PES1: variants seen among roughly 807,000 people sequenced by gnomAD.
PES1 encodes the protein pescadillo ribosomal biogenesis factor 1.
PES1 carries 31 observed loss-of-function variants against 77.1 expected under a neutral mutation model. The ratio of observed to expected loss-of-function variants is 0.40; its 90% CI spans 0.30 to 0.54. PES1 has a LOEUF of 0.54. Ranked by LOEUF, PES1 falls within the 20% of genes least tolerant of loss-of-function variation. PES1 has a pLI of 0.45. For missense variants in PES1, 658 were observed against 771.7 expected (o/e 0.85, Z 1.75); for synonymous variants, 282 against 303.0 (o/e 0.93, Z 0.72).
Position 30,605,028 on chromosome 22 carries a change from C to T in PES1, c.-661+433G>A, listed in dbSNP as rs117343900. On this transcript the variant is annotated intron_variant, in intron 2 of 16. Coordinates refer to the PES1 transcript ENST00000402281. ...TTTATTTTTAGGACAGGGTCTCCTT[C>T]TGTCGCCCAGACTGGAGTGCAGTGG... is the stretch of plus-strand genomic sequence containing the variant. Among the ~76,000 whole-genome samples the T allele has an allele frequency of 1.2e-3, 182 of 152,268 alleles. 2 individuals carry two copies. The East Asian group carries it at 0.032, about 27-fold the overall frequency.
chr22:30,606,651 G>A (rs13058138), intron 1 of PES1: 18,557 of 151,312 alleles, frequency 0.12, 1,559 homozygotes, highest in Non-Finnish European at 0.17. Flanking sequence ...TGGGGCCAGC[G>A]GCACCCACCC....
chr22:30,590,318 G>C (rs1172367328), intron 1 of PES1, among the ~76,000 whole-genome samples: 1 of 152,168 alleles, frequency 6.6e-6, no homozygotes, highest in Non-Finnish European at 1.5e-5. Flanking sequence ...CAAGCATGTC[G>C]TTTCCAAACA....
chr22:30,592,222 G>A (rs1427780786), upstream of PES1: 6 of 1,026,992 alleles, frequency 5.8e-6, no homozygotes, highest in Middle Eastern at 2.7e-4. Context: ...CTTCTGGGAT[G>A]CAGAGGGGCG....
At chr22:30,595,538 CAAAAAA>C (rs377364940), upstream of PES1, among the ~76,000 whole-genome samples, 883 of 80,680 alleles carry the variant, frequency 0.011, 8 homozygotes, top group African/African-American at 0.036. Flanking sequence ...GACAGTGTCT[CAAAAAA>C]AAAAAAAAAA....
chr22:30,592,016 C>T, upstream of PES1: 3 of 1,374,448 alleles, frequency 2.2e-6, no homozygotes, highest in East Asian at 5.7e-5. Context: ...AGATTTAAAA[C>T]TATAGTCTGA....
At chr22:30,588,301 C>G in intron 2 of PES1, 127 bp from the exon 3 acceptor site, 1 of 1,004,192 alleles carries the variant, frequency 1.0e-6, no homozygotes, top group Non-Finnish European at 1.5e-6. Context: ...GACCTCACAT[C>G]CTAGTACATG....
intron 14 of PES1, 26 bp from the exon 15 acceptor site, chr22:30,577,155 G>C: frequency 6.2e-7 from 1 of 1,601,630 alleles, no homozygotes; most frequent in Non-Finnish European, 8.5e-7. Context: ...CGAAGGTCAG[G>C]CTGAGGTATG....
chr22:30,582,680 C>A (rs181033243), intron 6 of PES1, among the ~76,000 whole-genome samples: 1 of 152,134 alleles, frequency 6.6e-6, no homozygotes, highest in East Asian at 1.9e-4. Context: ...TTAGCTGTTC[C>A]GCTATTCTGC....
At chr22:30,594,279 G>A (rs1345860334), upstream of PES1, among the ~76,000 whole-genome samples, 1 of 152,144 alleles carries the variant, frequency 6.6e-6, no homozygotes, top group Non-Finnish European at 1.5e-5. Context: ...CAGCACTTTG[G>A]GAGGCCAAGG....
chr22:30,591,982 G>A (rs1280920470), upstream of PES1: 1 of 1,377,154 alleles, frequency 7.3e-7, no homozygotes, highest in South Asian at 1.7e-5. Flanking sequence ...ACAAGTCCAG[G>A]GAAAGATGGG....
intron 4 of PES1, among the ~76,000 whole-genome samples, chr22:30,586,622 G>C (rs1425715092): frequency 6.6e-6 from 1 of 152,160 alleles, no homozygotes; most frequent in African/African-American, 2.4e-5. Flanking sequence ...AGAGTCTCCA[G>C]ACATTGCCAA....
At chr22:30,585,641 T>A (rs1028686508) in intron 4 of PES1, among the ~76,000 whole-genome samples, 5 of 150,702 alleles carry the variant, frequency 3.3e-5, no homozygotes, top group African/African-American at 1.2e-4. Context: ...TTCTATTTTC[T>A]TTTTTCCAAA....
chr22:30,579,708 G>C, intron 12 of PES1, 43 bp downstream of exon 12: 1 of 1,582,454 alleles, frequency 6.3e-7, no homozygotes. Context: ...AACAGCCAGC[G>C]TGGGCCCAGG....
intron 5 of PES1, 23 bp from the exon 6 acceptor site, chr22:30,584,477 T>C: frequency 1.2e-6 from 2 of 1,610,264 alleles, no homozygotes; most frequent in Non-Finnish European, 1.7e-6. Context: ...AGGAGACATC[T>C]GGGTGAAGAC....
chr22:30,593,926 G>C (rs919916942), upstream of PES1, among the ~76,000 whole-genome samples: 1 of 152,172 alleles, frequency 6.6e-6, no homozygotes, highest in Non-Finnish European at 1.5e-5. Context: ...ACTACCTAAC[G>C]TATAGTAGAA....
chr22:30,581,473 GA>G (rs2086986871), intron 7 of PES1, 54 bp downstream of exon 7: 4 of 1,606,606 alleles, frequency 2.5e-6, no homozygotes, highest in Admixed American at 1.7e-5. Flanking sequence ...TGTGTGGACA[GA>G]GAAGGGCTGT....
At chr22:30,591,516 G>A (rs1332121994) in intron 1 of PES1, among the ~76,000 whole-genome samples, 1 of 152,146 alleles carries the variant, frequency 6.6e-6, no homozygotes, top group Admixed American at 6.6e-5. Context: ...TCACCCTTTC[G>A]GTAAATAGTG....
chr22:30,584,753 C>A (rs767538777), intron 4 of PES1, 36 bp from the exon 5 acceptor site: 2 of 1,607,240 alleles, frequency 1.2e-6, no homozygotes, highest in Non-Finnish European at 8.5e-7. Context: ...GGGGCCTGTT[C>A]AGCGTGGGTG....
chr22:30,606,569 T>G (rs1399704228), intron 1 of PES1: 1 of 152,308 alleles, frequency 6.6e-6, no homozygotes, highest in African/African-American at 2.4e-5. Flanking sequence ...ATTCTTTAAC[T>G]TGTTTTGTTT....
Sources: allele counts gnomAD v4.1 joint callset (sites outside exome capture counted in the v4.1 genomes callset), GRCh38; gene constraint gnomAD v4.1.1; transcripts MANE v1.5; gene names NCBI Gene and HGNC (gene_info 2026-07-23, HGNC 2026-07-21).